The following ADCY2 variants were observed in gnomAD, a reference collection of about 807,000 sequenced individuals.
The protein encoded by ADCY2 is adenylate cyclase 2.
In ADCY2, 31 loss-of-function variants were observed where a neutral mutation model predicts 125.2. That is an observed-to-expected ratio of 0.25 (90% confidence interval 0.19 to 0.33). The LOEUF is 0.33. ADCY2 is among the 10% of genes least tolerant of loss of function. ADCY2 has a pLI of 1.00. For synonymous variants in ADCY2, 512 were observed against 548.4 expected (o/e 0.93, Z 0.93); for missense variants, 904 against 1,418.2 (o/e 0.64, Z 5.82).
At chr5:7,596,682 C>T (rs577454418) in intron 3 of ADCY2, among the ~76,000 whole-genome samples, 4 of 152,228 alleles carry the variant, frequency 2.6e-5, no homozygotes, top group East Asian at 1.9e-4. Context: ...AAATATACAG[C>T]GCTGGAAACA....
chr5:7,476,257 G>A (rs1265229450), intron 2 of ADCY2, among the ~76,000 whole-genome samples: 2 of 152,120 alleles, frequency 1.3e-5, no homozygotes, highest in Admixed American at 6.5e-5. Flanking sequence ...TGGAGCTTGG[G>A]GCTGGGTGAC....
chr5:7,790,089 A>G (rs1226730268), intron 20 of ADCY2, among the ~76,000 whole-genome samples: 1 of 152,180 alleles, frequency 6.6e-6, no homozygotes, highest in Non-Finnish European at 1.5e-5. Context: ...AATGTCTTTT[A>G]TGAGGCACTA....
Position 7,583,424 on chromosome 5 carries a change from T to A in ADCY2, c.571-42743T>A, listed in dbSNP as rs76539169. 1.1e-3 allele frequency among the ~76,000 whole-genome samples: 164 copies of A among 152,218 alleles called. 1 individual carries two copies. The highest frequency in any genetic ancestry group is 2.9e-3 in the Admixed American group (44 of 15,290). On this transcript the variant is annotated intron_variant, in intron 3 of 24. Transcript: ENST00000338316. ...AGAACAAAGTTAAAGTATTTAACTT[T>A]GGTTAGCTTTGCTATTCAGGATACA...
At chr5:7,632,082 G>C (rs1279266006) in intron 4 of ADCY2, among the ~76,000 whole-genome samples, 1 of 152,136 alleles carries the variant, frequency 6.6e-6, no homozygotes, top group East Asian at 1.9e-4. Flanking sequence ...AAGCCAGTGA[G>C]ACTTTCTCAC....
intron 20 of ADCY2, chr5:7,794,209 T>C (rs1004046152): frequency 1.3e-5 from 2 of 152,196 alleles, no homozygotes; most frequent in Non-Finnish European, 2.9e-5. Flanking sequence ...CTGTACTTAA[T>C]CACACAATGC....
chr5:7,814,058 G>A (rs897378945), intron 22 of ADCY2, among the ~76,000 whole-genome samples: 3 of 151,916 alleles, frequency 2.0e-5, no homozygotes, highest in Non-Finnish European at 2.9e-5. Context: ...TGATAGAAAA[G>A]ACTAACTGTT....
intron 3 of ADCY2, among the ~76,000 whole-genome samples, chr5:7,582,995 G>A (rs1341263622): frequency 6.6e-6 from 1 of 152,046 alleles, no homozygotes; most frequent in Non-Finnish European, 1.5e-5. Context: ...TGCAAGTGTA[G>A]CAAGGTTGAA....
chr5:7,547,071 A>G (rs950389636), intron 3 of ADCY2, among the ~76,000 whole-genome samples: 1 of 152,190 alleles, frequency 6.6e-6, no homozygotes, highest in African/African-American at 2.4e-5. Context: ...ACACTCTCAA[A>G]TGGTGAATAG....
rs373831185 is a variant in ADCY2, at chr5:7,662,354, G to A, written c.721-28337G>A. 1.5e-4 allele frequency among the ~76,000 whole-genome samples: 23 copies of A among 152,292 alleles called. No homozygotes were observed. The East Asian group carries it at 1.9e-3, about 13-fold the overall frequency. On this transcript the variant is annotated intron_variant, in intron 4 of 24. Transcript: ENST00000338316. ...CCTCTCCTCAATTTCAAGGTTACAGGCAGAAATGCAACTGAGACTCCTTCA... is the reference window on the plus strand; with the variant it reads ...CCTCTCCTCAATTTCAAGGTTACAGACAGAAATGCAACTGAGACTCCTTCA...
At chr5:7,481,001 G>A (rs1334724923) in intron 2 of ADCY2, among the ~76,000 whole-genome samples, 1 of 152,090 alleles carries the variant, frequency 6.6e-6, no homozygotes, top group Non-Finnish European at 1.5e-5. Context: ...TATATACTGA[G>A]GAGTAGGATT....
At position 7,704,314 on chromosome 5, in the gene ADCY2, CTT is replaced by C. The variant is rs558153112; in HGVS notation, c.1110-2429_1110-2428del. Among the ~76,000 whole-genome samples the C allele has an allele frequency of 4.6e-5, 7 of 152,332 alleles. 1 individual carries two copies. In the East Asian group the frequency reaches 1.4e-3, roughly 29 times the overall value. Reference sequence around the variant, plus strand: ...TTCTCTCTGTGTTCACACCTCCACACTTAGCAGCACCTCATTCCCTGCTAGCC... The same window carrying C: ...TTCTCTCTGTGTTCACACCTCCACACAGCAGCACCTCATTCCCTGCTAGCC... On this transcript the variant is annotated intron_variant, in intron 7 of 24. Coordinates refer to ENST00000338316, the MANE Select transcript of ADCY2 (RefSeq NM_020546.3).
intron 17 of ADCY2, among the ~76,000 whole-genome samples, chr5:7,769,917 A>G (rs918963842): frequency 7.2e-5 from 11 of 152,242 alleles, no homozygotes; most frequent in Admixed American, 5.2e-4. Context: ...ACACTCCAAT[A>G]GAAGTCGGTT....
chr5:7,699,081 A>ATCTTTTTTTTT (rs1740990701), intron 7 of ADCY2, among the ~76,000 whole-genome samples: 1 of 37,964 alleles, frequency 2.6e-5, no homozygotes, highest in Non-Finnish European at 4.7e-5. Context: ...AACAGTAAGC[A>ATCTTTTTTTTT]TTTTTTTTTT....
At chr5:7,625,016 G>A (rs1738076042) in intron 3 of ADCY2, among the ~76,000 whole-genome samples, 1 of 152,198 alleles carries the variant, frequency 6.6e-6, no homozygotes, top group South Asian at 2.1e-4. Flanking sequence ...CACTGTTGAT[G>A]ATAATGTAAA....
At position 7,396,352 on chromosome 5, in the gene ADCY2, C is replaced by A. The variant is rs767957240; in HGVS notation, c.56C>A (p.Ala19Glu). The A allele has an allele frequency of 1.9e-6, 3 of 1,543,016 alleles. No individual in the cohort carries two copies. The South Asian group carries it at 3.5e-5, about 18-fold the overall frequency. ...RRYLRDRSEE[A>E]AGGGDGLPRS... ...TACCTGCGGGACCGCTCCGAGGAGGCGGCGGGCGGCGGAGACGGGCTGCCG... is the reference window on the plus strand; with the variant it reads ...TACCTGCGGGACCGCTCCGAGGAGGAGGCGGGCGGCGGAGACGGGCTGCCG... The change falls in exon 1 of 25, where the codon GCG (alanine) becomes GAG (glutamate). Residue 19 changes from alanine (A) to glutamate (E), a missense_variant. Transcript: ENST00000338316. This position sits in a 1 kb window ranked among gnomAD's most constrained non-coding sequence, Gnocchi z 5.7.
intron 16 of ADCY2, among the ~76,000 whole-genome samples, chr5:7,759,409 G>T (rs1743120872): frequency 6.6e-6 from 1 of 152,204 alleles, no homozygotes; most frequent in Non-Finnish European, 1.5e-5. Flanking sequence ...GGGAAGGAGG[G>T]GCTCACCAGG....
chr5:7,744,574 T>C (rs1742539022), intron 15 of ADCY2, among the ~76,000 whole-genome samples: 2 of 152,360 alleles, frequency 1.3e-5, no homozygotes, highest in Admixed American at 1.3e-4. Context: ...CAAGTGTTGC[T>C]AGCTGGCCAT....
intron 4 of ADCY2, among the ~76,000 whole-genome samples, chr5:7,676,277 G>A (rs1004479386): frequency 4.6e-5 from 7 of 152,170 alleles, no homozygotes; most frequent in African/African-American, 7.2e-5. Flanking sequence ...GTGGTATGGT[G>A]TGCTTTTATC....
intron 4 of ADCY2, among the ~76,000 whole-genome samples, chr5:7,661,729 C>T (rs1163296529): frequency 6.6e-6 from 1 of 152,088 alleles, no homozygotes; most frequent in African/African-American, 2.4e-5. Context: ...TCAATCAGTT[C>T]TTGAAATTCA....
Sources: gnomAD v4.1 joint callset for allele counts (sites outside exome capture counted in the v4.1 genomes callset) on GRCh38, gnomAD v4.1.1 for gene constraint, Gnocchi (gnomAD v3.1) non-coding constraint, MANE v1.5 for transcripts, NCBI Gene and HGNC (gene_info 2026-07-23, HGNC 2026-07-21) for gene names.